LTAP1: variants seen among roughly 807,000 people sequenced by gnomAD.
LTAP1 encodes the protein lipid transport auxiliary protein 1.
the LTAP1 span, among the ~76,000 whole-genome samples, chr1:154,216,825 T>A: frequency 1.3e-5 from 2 of 149,280 alleles, no homozygotes; most frequent in Non-Finnish European, 1.5e-5. Context: ...ATTTTTAAAC[T>A]TTTTATAGAG....
the LTAP1 span, chr1:154,214,696 T>C: frequency 3.2e-6 from 2 of 632,688 alleles, no homozygotes; most frequent in Non-Finnish European, 5.5e-6. Context: ...GCTCATGTAG[T>C]TAATAAAATT....
chr1:154,209,827 T>C, the LTAP1 span, among the ~76,000 whole-genome samples: 3 of 152,032 alleles, frequency 2.0e-5, no homozygotes, highest in African/African-American at 7.2e-5. Context: ...CCTGATTTCA[T>C]GAACCGCCCG....
At chr1:154,211,979 C>G in the LTAP1 span, 1 of 240,034 alleles carries the variant, frequency 4.2e-6, no homozygotes, top group African/African-American at 2.2e-5. Flanking sequence ...GCCTCAGCCT[C>G]CCCAGAAGCT....
At chr1:154,212,781 C>A in the LTAP1 span, 21 of 714,948 alleles carry the variant, frequency 2.9e-5, no homozygotes, top group Admixed American at 2.5e-4. Flanking sequence ...CTAGTCTCAG[C>A]CTCCTGATTA....
the LTAP1 span, among the ~76,000 whole-genome samples, chr1:154,219,320 A>G: frequency 6.6e-6 from 1 of 152,212 alleles, no homozygotes; most frequent in Non-Finnish European, 1.5e-5. Flanking sequence ...CCTAAGGAGA[A>G]AGTACAGACA....
chr1:154,218,909 G>T, the LTAP1 span, among the ~76,000 whole-genome samples: 1 of 152,182 alleles, frequency 6.6e-6, no homozygotes, highest in Non-Finnish European at 1.5e-5. Context: ...TTTAAAATAG[G>T]TAATAAGCAT....
chr1:154,220,499 C>A, the LTAP1 span: 25 of 1,420,276 alleles, frequency 1.8e-5, no homozygotes, highest in South Asian at 1.8e-4. Context: ...GCCTGGGTCC[C>A]CTGGAGCTCC....
chr1:154,215,868 C>T, the LTAP1 span, among the ~76,000 whole-genome samples: 27 of 149,166 alleles, frequency 1.8e-4, no homozygotes, highest in East Asian at 3.4e-3. Context: ...GACGGAGTCT[C>T]GCTCTGTCGC....
the LTAP1 span, chr1:154,212,547 G>A: frequency 1.9e-5 from 31 of 1,614,044 alleles, no homozygotes; most frequent in Admixed American, 3.3e-5. Context: ...CTAGTGTTTC[G>A]CAGATCCAGC....
the LTAP1 span, among the ~76,000 whole-genome samples, chr1:154,217,487 T>C: frequency 0.067 from 10,274 of 152,226 alleles, 410 homozygotes; most frequent in South Asian, 0.17. Context: ...AAGCACATGG[T>C]ACATATTCTC....
At chr1:154,220,407 T>C in the LTAP1 span, 9 of 1,614,226 alleles carry the variant, frequency 5.6e-6, no homozygotes, top group East Asian at 2.2e-5. Context: ...CCGGACGCCA[T>C]GGCCTCCCTA....
the LTAP1 span, chr1:154,220,051 C>T: frequency 1.0e-6 from 1 of 999,110 alleles, no homozygotes; most frequent in East Asian, 2.6e-5. Context: ...AGGAATGTTT[C>T]AGGGTAAAAC....
the LTAP1 span, among the ~76,000 whole-genome samples, chr1:154,210,135 T>C: frequency 6.6e-6 from 1 of 151,734 alleles, no homozygotes; most frequent in Admixed American, 6.6e-5. Flanking sequence ...GCTTCCTGGG[T>C]TCAAGCAATT....
the LTAP1 span, chr1:154,212,382 A>G: frequency 6.2e-7 from 1 of 1,614,162 alleles, no homozygotes; most frequent in Non-Finnish European, 8.5e-7. Flanking sequence ...CAAAGACCTT[A>G]GGAAAGAGAA....
At chr1:154,219,788 C>A in the LTAP1 span, 3 of 1,351,862 alleles carry the variant, frequency 2.2e-6, no homozygotes, top group South Asian at 1.3e-5. Flanking sequence ...CATTCTTGAC[C>A]CTAAAAGATC....
the LTAP1 span, among the ~76,000 whole-genome samples, chr1:154,216,186 G>A: frequency 6.6e-6 from 1 of 151,826 alleles, no homozygotes; most frequent in South Asian, 2.1e-4. Context: ...TGAATGCTCC[G>A]CACCCCAAAC....
chr1:154,207,386 G>T, the LTAP1 span: 3 of 1,515,200 alleles, frequency 2.0e-6, no homozygotes, highest in Non-Finnish European at 2.7e-6. Context: ...AGGGCGGCCC[G>T]GCAAGCAGCC....
At chr1:154,219,771 GA>G in the LTAP1 span, 1 of 1,187,348 alleles carries the variant, frequency 8.4e-7, no homozygotes, top group Non-Finnish European at 1.2e-6. Context: ...AAAGGCAGAG[GA>G]AATCTCATTC....
the LTAP1 span, among the ~76,000 whole-genome samples, chr1:154,216,340 AT>A: frequency 8.0e-4 from 120 of 149,246 alleles, no homozygotes; most frequent in African/African-American, 2.7e-3. Context: ...TAAAAAAAAA[AT>A]TTTTTTTTTT....
Sources: gnomAD v4.1 joint callset for allele counts (sites outside exome capture counted in the v4.1 genomes callset) on GRCh38, gnomAD v4.1.1 for gene constraint, MANE v1.5 for transcripts, NCBI Gene and HGNC (gene_info 2026-07-23, HGNC 2026-07-21) for gene names.